CFAP58: variants seen among roughly 807,000 people sequenced by gnomAD.
The protein encoded by CFAP58 is cilia- and flagella-associated protein 58.
In CFAP58, 88 loss-of-function variants were observed where a neutral mutation model predicts 119.5. The ratio of observed to expected loss-of-function variants is 0.74; its 90% confidence interval spans 0.62 to 0.88. The LOEUF (loss-of-function observed/expected upper bound fraction) is 0.88. CFAP58 is among the 40% of genes least tolerant of loss of function. CFAP58 has a pLI of 0.00. For missense variants in CFAP58, 990 were observed against 1,021.2 expected, an observed-to-expected ratio of 0.97 and a Z score of 0.42; for synonymous variants, 365 against 366.3, an observed-to-expected ratio of 1.00 and a Z score of 0.04.
At chr10:104,402,254 G>A (rs188070123) in intron 13 of CFAP58, among the ~76,000 whole-genome samples, 3 of 152,300 alleles carry the variant, frequency 2.0e-5, no homozygotes, top group South Asian at 4.1e-4. Flanking sequence ...TACAAAGCAG[G>A]CCGTCAAATA....
chr10:104,364,656 A>G, intron 3 of CFAP58, 77 bp from the exon 4 acceptor site: 1 of 1,357,930 alleles, frequency 7.4e-7, no homozygotes, highest in Non-Finnish European at 1.0e-6. Flanking sequence ...TTCCCATGAA[A>G]ATGAACTCAG....
At chr10:104,395,852 C>A (rs2012142188) in intron 11 of CFAP58, among the ~76,000 whole-genome samples, 1 of 152,272 alleles carries the variant, frequency 6.6e-6, no homozygotes, top group East Asian at 1.9e-4. Context: ...TGTAAGATAC[C>A]CTTGGACAGG....
chr10:104,369,484 A>G (rs771964487), intron 6 of CFAP58, among the ~76,000 whole-genome samples: 19 of 152,360 alleles, frequency 1.2e-4, no homozygotes, highest in Middle Eastern at 6.8e-3. Context: ...TGAACCCTAT[A>G]GGGTCTGAGG....
In CFAP58 at chr10:104,362,952, T is replaced by C. The variant is rs747255537; in HGVS notation, c.440+781T>C. ...GCCCATCAAGTTGCTCACACCTCCA[T>C]GCCTTTGTACATGTTGCTTTCCATG... is the stretch of plus-strand genomic sequence containing the variant. On this transcript the variant is annotated intron_variant, in intron 3 of 17. Coordinates refer to ENST00000369704, the MANE Select transcript of CFAP58 (RefSeq NM_001008723.2). Among the ~76,000 whole-genome samples the C allele has an allele frequency of 1.3e-4, 20 of 152,322 alleles. No homozygotes were observed. The Middle Eastern group carries it at 0.01, about 78-fold the overall frequency.
At chr10:104,403,529 T>TTTG (rs35114876) in intron 13 of CFAP58, among the ~76,000 whole-genome samples, 200 bp from the exon 14 acceptor site, 1 of 151,182 alleles carries the variant, frequency 6.6e-6, no homozygotes, top group Non-Finnish European at 1.5e-5. Context: ...TTTTTTTTTT[T>TTTG]GAAAGCTAAG....
intron 9 of CFAP58, among the ~76,000 whole-genome samples, chr10:104,385,017 A>C (rs144541482): frequency 3.9e-5 from 6 of 152,292 alleles, no homozygotes; most frequent in Admixed American, 6.5e-5. Flanking sequence ...CCAATATTGG[A>C]TTTTAAGTTC....
In CFAP58 at chr10:104,450,191, GAAC is replaced by G; in HGVS notation, c.2501_2503del (p.Gln834del). On this transcript the variant is annotated inframe_deletion, in exon 17 of 18. Coordinates refer to ENST00000369704, the MANE Select transcript of CFAP58 (RefSeq NM_001008723.2). Reference sequence around the variant, plus strand: ...GAAATACCTCGCTCAGAAACGTAAAGAACAACTTCAAAAGTAAGAATTAGTCAA... The same window carrying G: ...GAAATACCTCGCTCAGAAACGTAAAGAACTTCAAAAGTAAGAATTAGTCAA... 6.2e-7 allele frequency: 1 copy of G among 1,612,518 alleles called. No homozygotes were observed. The highest frequency in any genetic ancestry group is 8.5e-7 in the Non-Finnish European group (1 of 1,179,662).
the CFAP58 span, among the ~76,000 whole-genome samples, chr10:104,345,887 T>A: frequency 6.6e-6 from 1 of 152,108 alleles, no homozygotes; most frequent in Non-Finnish European, 1.5e-5. Context: ...TCATCAAAGG[T>A]ATTTTGTGCT....
intron 2 of CFAP58, among the ~76,000 whole-genome samples, chr10:104,360,872 A>G (rs1319202056): frequency 6.6e-6 from 1 of 152,176 alleles, no homozygotes; most frequent in East Asian, 1.9e-4. Flanking sequence ...TATCCAGTCT[A>G]TCACTGATGA....
chr10:104,353,560 G>A, upstream of CFAP58: 1 of 320,492 alleles, frequency 3.1e-6, no homozygotes, highest in South Asian at 8.5e-5. Flanking sequence ...TTTCTCCTGG[G>A]TGTCTCCATC....
At chr10:104,372,296 T>G (rs924946846) in intron 7 of CFAP58, among the ~76,000 whole-genome samples, 1 of 152,006 alleles carries the variant, frequency 6.6e-6, no homozygotes, top group African/African-American at 2.4e-5. Flanking sequence ...GAGGTTGCAG[T>G]GAGCTGAGAT....
intron 15 of CFAP58, among the ~76,000 whole-genome samples, chr10:104,416,680 C>G (rs891747644): frequency 1.3e-5 from 2 of 152,170 alleles, no homozygotes; most frequent in South Asian, 2.1e-4. Flanking sequence ...AAACATTGCT[C>G]TAAATGCTTG....
chr10:104,358,586 T>C lies in CFAP58; in HGVS notation c.255T>C (p.Ser85=). ...AGGTCGCCACTGCCCTTAAGCTCTC[T>C]CAGGATGATCAGACCACCATTGCAT... is the stretch of plus-strand genomic sequence containing the variant. ...SAKVATALKL[S]QDDQTTIASL... The change falls in exon 2 of 18, where the codon TCT becomes TCC. Residue 85 remains serine, a synonymous_variant. Transcript: ENST00000369704. 2 of 1,613,932 alleles carry C rather than the reference T, an allele frequency of 1.2e-6. No individual in the cohort carries two copies. Among genetic ancestry groups the C allele is most frequent in the Non-Finnish European group, 1.7e-6 (2 of 1,179,862 alleles).
intron 6 of CFAP58, among the ~76,000 whole-genome samples, chr10:104,370,585 G>A (rs1422421753): frequency 6.6e-6 from 1 of 152,176 alleles, no homozygotes; most frequent in Non-Finnish European, 1.5e-5. Context: ...CCCACAACAC[G>A]TGGGAATTCA....
chr10:104,444,255 A>G (rs2013080749), intron 15 of CFAP58, among the ~76,000 whole-genome samples: 1 of 152,230 alleles, frequency 6.6e-6, no homozygotes, highest in African/African-American at 2.4e-5. Context: ...TGATATTCTT[A>G]TGATGTTTCA....
At chr10:104,366,932 A>G (rs2014758695) in intron 5 of CFAP58, among the ~76,000 whole-genome samples, 2 of 151,932 alleles carry the variant, frequency 1.3e-5, no homozygotes, top group South Asian at 4.1e-4. Flanking sequence ...CAGTGGCATG[A>G]TCTCAGCTCA....
At chr10:104,388,469 A>G (rs189602039) in intron 9 of CFAP58, among the ~76,000 whole-genome samples, 3 of 152,334 alleles carry the variant, frequency 2.0e-5, no homozygotes, top group African/African-American at 4.8e-5. Context: ...ATGCCTCTCT[A>G]AATTCAAGAT....
At chr10:104,453,148 G>A (rs2013221319) in intron 17 of CFAP58, among the ~76,000 whole-genome samples, 1 of 152,146 alleles carries the variant, frequency 6.6e-6, no homozygotes, top group Non-Finnish European at 1.5e-5. Context: ...GGTTATTTAA[G>A]GTGAGAGAGG....
intron 17 of CFAP58, among the ~76,000 whole-genome samples, chr10:104,451,263 T>G (rs1316808908): frequency 6.6e-6 from 1 of 152,146 alleles, no homozygotes; most frequent in African/African-American, 2.4e-5. Context: ...AGTAGCAAAG[T>G]TATATAAGGT....
Sources: gnomAD v4.1 joint callset for allele counts (sites outside exome capture counted in the v4.1 genomes callset) on GRCh38, gnomAD v4.1.1 for gene constraint, MANE v1.5 for transcripts, NCBI Gene and HGNC (gene_info 2026-07-23, HGNC 2026-07-21) for gene names.